Variants in ZNF490 observed in about 807,000 individuals in gnomAD.
ZNF490 encodes the protein zinc finger protein 490.
In ZNF490, 11 loss-of-function variants were observed where a neutral mutation model predicts 17.7. The ratio of observed to expected loss-of-function variants is 0.62; its 90% confidence interval spans 0.39 to 1.03. The LOEUF (loss-of-function observed/expected upper bound fraction) is 1.03, where lower values mean the gene tolerates loss of function less well. Ranked by LOEUF, ZNF490 falls within the 50% of genes least tolerant of loss-of-function variation. The pLI, the probability that ZNF490 is intolerant of heterozygous loss-of-function variation, is 0.00. For missense variants in ZNF490, 542 were observed against 643.4 expected (o/e 0.84, Z 1.71); for synonymous variants, 222 against 216.1 (o/e 1.03, Z -0.24).
At position 12,576,601 on chromosome 19, in the gene ZNF490, G is replaced by A. The variant is rs1568275837; in HGVS notation, c.*3884C>T. On this transcript the variant is annotated 3_prime_UTR_variant, in exon 5 of 5. Transcript: ENST00000311437. ...GAGACCGAGGTGGGTGGATCACAAG[G>A]TCAGGAGATTGAGACCATCCTGGTC... Among the ~76,000 whole-genome samples, 1 of 151,326 alleles carries A rather than the reference G, an allele frequency of 6.6e-6. No individual in the cohort carries two copies. The highest frequency in any genetic ancestry group is 1.5e-5 in the Non-Finnish European group (1 of 67,928).
At chr19:12,605,420 G>T (rs2145167378) in intron 2 of ZNF490, among the ~76,000 whole-genome samples, 1 of 151,862 alleles carries the variant, frequency 6.6e-6, no homozygotes, top group Admixed American at 6.6e-5. Context: ...GTTGAAGGCT[G>T]CAATGAGCTA....
intron 2 of ZNF490, among the ~76,000 whole-genome samples, chr19:12,606,221 C>G (rs192114034): frequency 9.9e-4 from 150 of 150,978 alleles, no homozygotes; most frequent in African/African-American, 3.5e-3. Flanking sequence ...GAGACAGAGA[C>G]TCACTCTATT....
At chr19:12,592,133 C>T (rs968901363) in intron 2 of ZNF490, among the ~76,000 whole-genome samples, 1 of 152,094 alleles carries the variant, frequency 6.6e-6, no homozygotes, top group Non-Finnish European at 1.5e-5. Context: ...GTCAGGAGAT[C>T]GAGACTATCC....
rs768823474 is a variant in ZNF490 at position 12,583,519 on chromosome 19, G to A, written c.200C>T (p.Thr67Ile). 3.7e-6 allele frequency: 6 copies of A among 1,605,396 alleles called. No individual in the cohort carries two copies. The highest frequency in any genetic ancestry group is 8.5e-7 in the Non-Finnish European group (1 of 1,174,458). The stretch of plus-strand genomic sequence containing the variant: ...ATCCAGCAAAGCCCACTCCTCCAGG[G>A]TGAAGTTCACAGCCACATCCTCAAG... ...ISLEDVAVNF[T>I]LEEWALLDPG... The change falls in exon 3 of 5, where the codon ACC becomes ATC. Residue 67 changes from threonine to isoleucine, a missense_variant. By Grantham distance (89) the Thr-to-Ile change is moderately conservative. Coordinates refer to ENST00000311437, the MANE Select transcript of ZNF490 (RefSeq NM_020714.3).
chr19:12,606,199 T>G (rs2023067445), intron 2 of ZNF490, among the ~76,000 whole-genome samples: 2 of 151,562 alleles, frequency 1.3e-5, no homozygotes, highest in Non-Finnish European at 2.9e-5. Flanking sequence ...ATTTTTTTTT[T>G]TTTTCATTTT....
intron 2 of ZNF490, among the ~76,000 whole-genome samples, chr19:12,603,603 C>T (rs879894594): frequency 2.0e-5 from 3 of 151,924 alleles, no homozygotes; most frequent in Non-Finnish European, 2.9e-5. Context: ...CCAGTCTGGG[C>T]AACATGGCGA....
At chr19:12,581,834 C>G in intron 4 of ZNF490, 110 bp from the exon 5 acceptor site, 1 of 1,000,514 alleles carries the variant, frequency 1.0e-6, no homozygotes, top group Non-Finnish European at 1.4e-6. Context: ...TGTATGTTAT[C>G]TGCCCTGTCT....
chr19:12,594,921 T>C (rs1268504446), intron 2 of ZNF490, among the ~76,000 whole-genome samples: 1 of 152,160 alleles, frequency 6.6e-6, no homozygotes, highest in Non-Finnish European at 1.5e-5. Flanking sequence ...CCATGAATGA[T>C]TGTCAGTTAG....
At chr19:12,596,883 C>T (rs886900153) in intron 2 of ZNF490, among the ~76,000 whole-genome samples, 1 of 152,326 alleles carries the variant, frequency 6.6e-6, no homozygotes, top group Non-Finnish European at 1.5e-5. Flanking sequence ...CTCAAACACA[C>T]GAGAATCCGT....
At chr19:12,592,271 A>G (rs1281491947) in intron 2 of ZNF490, among the ~76,000 whole-genome samples, 6 of 152,046 alleles carry the variant, frequency 3.9e-5, no homozygotes, top group Admixed American at 3.3e-4. Flanking sequence ...CCATGAAAAG[A>G]CATGGAGGCT....
rs1425938147 is a variant in ZNF490, at chr19:12,577,499, A to G, written c.*2986T>C. On this transcript the variant is annotated 3_prime_UTR_variant, in exon 5 of 5. Transcript: ENST00000311437. ...GAGTAATAATGTTCCAACCCCTCAT[A>G]CTACCATAAATGTTCCTGGTGAGAG... 1.0e-6 allele frequency: 1 copy of G among 984,952 alleles called. No individual in the cohort carries two copies. Among genetic ancestry groups the G allele is most frequent in the African/African-American group, 1.8e-5 (1 of 57,044 alleles). The allele number at this position is 984,952 out of a possible 1,614,324, so 61.0% of individuals were successfully genotyped here.
intron 2 of ZNF490, among the ~76,000 whole-genome samples, chr19:12,598,687 C>G (rs2022964373): frequency 6.6e-6 from 1 of 150,652 alleles, no homozygotes; most frequent in African/African-American, 2.4e-5. Context: ...ATAATTCTCC[C>G]TTTTTAAAAC....
Position 12,580,430 on chromosome 19 carries a change from C to A in ZNF490, c.*55G>T. ...TGAATTTCTCTCCAGCGTAAGTACT[C>A]TCATACATCCAAAAGGAACTAATAC... On this transcript the variant is annotated 3_prime_UTR_variant, in exon 5 of 5. Transcript: ENST00000311437. 2 of 1,523,522 alleles carry A rather than the reference C, an allele frequency of 1.3e-6. No individual in the cohort carries two copies. The highest frequency in any genetic ancestry group is 1.8e-6 in the Non-Finnish European group (2 of 1,138,090). The allele number at this position is 1,523,522 out of a possible 1,614,324, so 94.4% of individuals were successfully genotyped here.
chr19:12,590,228 C>A (rs1363306642), intron 2 of ZNF490, among the ~76,000 whole-genome samples: 1 of 133,138 alleles, frequency 7.5e-6, no homozygotes, highest in African/African-American at 2.8e-5. Flanking sequence ...TTTTTTTTTT[C>A]TTTGAGATGG....
intron 2 of ZNF490, among the ~76,000 whole-genome samples, chr19:12,599,334 A>G (rs2022975089): frequency 1.3e-5 from 2 of 151,794 alleles, no homozygotes; most frequent in Admixed American, 6.6e-5. Context: ...GATGTTTAGG[A>G]CAAGTCAGAA....
Position 12,579,856 on chromosome 19 carries a change from C to G in ZNF490, c.*629G>C, listed in dbSNP as rs1302383608. The G allele has an allele frequency of 1.3e-5, 2 of 151,514 alleles. No individual in the cohort carries two copies. Among genetic ancestry groups the G allele is most frequent in the African/African-American group, 4.9e-5 (2 of 40,954 alleles). The allele number at this position is 151,514 out of a possible 1,614,324, so 9.4% of individuals were successfully genotyped here. A position where few individuals can be genotyped will look rare whatever the true frequency, so the allele number is the denominator to read the frequency against. ...GGTGCTGTGGCTCACACCTGTAATC[C>G]CAGCACTTTGGGAGGCCGAGGCAGG... On this transcript the variant is annotated 3_prime_UTR_variant, in exon 5 of 5. Transcript: ENST00000311437.
At chr19:12,589,356 C>CA (rs34887630) in intron 2 of ZNF490, among the ~76,000 whole-genome samples, 17 of 150,162 alleles carry the variant, frequency 1.1e-4, no homozygotes, top group Admixed American at 8.0e-4. Context: ...GACTCTGTCT[C>CA]AAAAAAAATA....
intron 2 of ZNF490, among the ~76,000 whole-genome samples, chr19:12,605,107 C>T (rs1429189216): frequency 2.0e-5 from 3 of 152,158 alleles, no homozygotes; most frequent in South Asian, 2.1e-4. Context: ...GAGCCAAGAT[C>T]GTGCTGCTAC....
intron 2 of ZNF490, among the ~76,000 whole-genome samples, chr19:12,606,723 G>A (rs2023072499): frequency 6.6e-6 from 1 of 151,956 alleles, no homozygotes; most frequent in Non-Finnish European, 1.5e-5. Context: ...GGAATCACTG[G>A]AAGATTTTTA....
Sources: allele counts gnomAD v4.1 joint callset (sites outside exome capture counted in the v4.1 genomes callset), GRCh38; gene constraint gnomAD v4.1.1; transcripts MANE v1.5; gene names NCBI Gene and HGNC (gene_info 2026-07-23, HGNC 2026-07-21).